LRP1B: variants seen among roughly 807,000 people sequenced by gnomAD.
LRP1B encodes low-density lipoprotein receptor-related protein 1B.
A neutral mutation model predicts 556.6 loss-of-function variants in LRP1B; 217 were observed. The observed-to-expected ratio is 0.39, with a 90% CI of 0.35 to 0.44. The LOEUF (loss-of-function observed/expected upper bound fraction) is 0.44. LRP1B is among the 20% of genes least tolerant of loss of function. The probability of loss-of-function intolerance (pLI) is 1.00; values close to 1 mark genes in which losing one functional copy is unlikely to be tolerated. For synonymous variants in LRP1B, 2,047 were observed against 1,865.8 expected (o/e 1.10, Z -2.50); for missense variants, 5,053 against 5,620.8 (o/e 0.90, Z 3.23).
At chr2:141,944,277 C>T (rs1700894618) in intron 1 of LRP1B, among the ~76,000 whole-genome samples, 1 of 152,084 alleles carries the variant, frequency 6.6e-6, no homozygotes, top group Non-Finnish European at 1.5e-5. Context: ...TATTGTTATT[C>T]AATACTGGAC....
chr2:141,102,066 G>A (rs1700475074), intron 7 of LRP1B, among the ~76,000 whole-genome samples: 3 of 152,078 alleles, frequency 2.0e-5, no homozygotes, highest in African/African-American at 7.2e-5. Flanking sequence ...AATGTATATA[G>A]AAATCAAAGC....
intron 1 of LRP1B, among the ~76,000 whole-genome samples, chr2:141,862,799 T>C (rs1374512215): frequency 6.6e-6 from 1 of 152,184 alleles, no homozygotes; most frequent in Non-Finnish European, 1.5e-5. Flanking sequence ...AATTTTGAGA[T>C]TATAAAAGAA....
At position 140,915,884 on chromosome 2, in the gene LRP1B, C is replaced by T. The variant is rs1320778014; in HGVS notation, c.3319+7081G>A. Among the ~76,000 whole-genome samples, 7 of 151,538 alleles carry T rather than the reference C, an allele frequency of 4.6e-5. No homozygotes were observed. The South Asian group carries it at 1.3e-3, about 27-fold the overall frequency. ...TCTACTGAAAATACAAAAAATTAGC[C>T]GGGTGAGGGGGCAGGCGCCTGTACT... On this transcript the variant is annotated intron_variant, in intron 21 of 90. Transcript: ENST00000389484.
At position 140,702,178 on chromosome 2, in the gene LRP1B, C is replaced by T; in HGVS notation, c.6265G>A (p.Val2089Ile). 1 of 1,613,616 alleles carries T rather than the reference C, an allele frequency of 6.2e-7. No individual in the cohort carries two copies. The highest frequency in any genetic ancestry group is 8.5e-7 in the Non-Finnish European group (1 of 1,179,744). ...TAGATGTAAGCCCCAAAGACTGCAA[C>T]TGAAAACATATCCACATTGCTTCCT... is the stretch of plus-strand genomic sequence containing the variant. Reference protein sequence around the residue: ...LSGSNVDMFSVAVFGAYIYWS... With the variant: ...LSGSNVDMFSIAVFGAYIYWS... The change falls in exon 39 of 91, where the codon GTT becomes ATT. Residue 2089 changes from valine to isoleucine, a missense_variant. Val to Ile is a conservative substitution (Grantham distance 29). Transcript: ENST00000389484.
chr2:140,827,497 C>A (rs1285400238), intron 31 of LRP1B, among the ~76,000 whole-genome samples: 1 of 151,400 alleles, frequency 6.6e-6, no homozygotes, highest in Non-Finnish European at 1.5e-5. Context: ...GTACTAGAGG[C>A]AACAGCAGAA....
At chr2:141,017,473 A>G (rs1697937401) in intron 12 of LRP1B, among the ~76,000 whole-genome samples, 1 of 151,636 alleles carries the variant, frequency 6.6e-6, no homozygotes. Context: ...ACAGAAACAC[A>G]CACACGCACA....
intron 2 of LRP1B, among the ~76,000 whole-genome samples, chr2:141,517,999 A>G (rs955034915): frequency 1.3e-5 from 2 of 152,206 alleles, no homozygotes; most frequent in Non-Finnish European, 2.9e-5. Context: ...AAATGAGGAG[A>G]TAAGCTAAAG....
intron 43 of LRP1B, among the ~76,000 whole-genome samples, chr2:140,555,789 A>G (rs1167032897): frequency 2.0e-5 from 3 of 152,086 alleles, no homozygotes; most frequent in Admixed American, 2.0e-4. Context: ...TAGAGGTAAA[A>G]CTAATGTCTA....
intron 37 of LRP1B, among the ~76,000 whole-genome samples, chr2:140,708,458 C>T (rs1425794929): frequency 6.6e-6 from 1 of 151,428 alleles, no homozygotes; most frequent in Non-Finnish European, 1.5e-5. Context: ...GAAGAGCACA[C>T]ACTGGAGAAG....
chr2:141,216,835 T>C (rs1682835846), intron 6 of LRP1B, among the ~76,000 whole-genome samples: 1 of 152,232 alleles, frequency 6.6e-6, no homozygotes, highest in African/African-American at 2.4e-5. Flanking sequence ...GAATGTTTAC[T>C]CATCCTGATT....
At chr2:140,926,555 C>T (rs1304755040) in intron 20 of LRP1B, among the ~76,000 whole-genome samples, 1 of 152,034 alleles carries the variant, frequency 6.6e-6, no homozygotes, top group Non-Finnish European at 1.5e-5. Flanking sequence ...GTTGCCTAGA[C>T]TGGTCTTGAA....
intron 2 of LRP1B, among the ~76,000 whole-genome samples, chr2:141,644,509 C>T (rs893996055): frequency 2.6e-5 from 4 of 152,032 alleles, no homozygotes; most frequent in African/African-American, 7.2e-5. Context: ...CGGACTGATA[C>T]AATCAGCAAT....
chr2:141,179,523 C>T (rs1298712641), intron 7 of LRP1B, among the ~76,000 whole-genome samples: 1 of 151,990 alleles, frequency 6.6e-6, no homozygotes, highest in Non-Finnish European at 1.5e-5. Context: ...TTTTAACATT[C>T]CACTGGGGTA....
chr2:141,101,630 T>A (rs190502523), intron 7 of LRP1B, among the ~76,000 whole-genome samples: 1 of 152,250 alleles, frequency 6.6e-6, no homozygotes, highest in East Asian at 1.9e-4. Flanking sequence ...ATGAGTGAAA[T>A]ATGAGTGCAC....
intron 32 of LRP1B, among the ~76,000 whole-genome samples, chr2:140,809,705 T>C (rs889554987): frequency 6.6e-5 from 10 of 152,188 alleles, no homozygotes; most frequent in African/African-American, 2.4e-4. Flanking sequence ...TCACATGGTT[T>C]CTGTGGGTCT....
chr2:141,986,287 T>G (rs970017982), intron 1 of LRP1B, among the ~76,000 whole-genome samples: 2 of 151,956 alleles, frequency 1.3e-5, no homozygotes, highest in African/African-American at 2.4e-5. Context: ...AATAAAAACT[T>G]TAAAAAAGTA....
rs540232760 is a variant in LRP1B at position 140,353,856 on chromosome 2, CAT to C, written c.11531-786_11531-785del. On this transcript the variant is annotated intron_variant, in intron 75 of 90. Transcript: ENST00000389484. Reference sequence around the variant, plus strand: ...CACATCTCTAACACACTTCTGGACTCATATATATGAAGTGACTACGTAACAAG... The same window carrying C: ...CACATCTCTAACACACTTCTGGACTCATATATGAAGTGACTACGTAACAAG... 2.9e-4 allele frequency among the ~76,000 whole-genome samples: 44 copies of C among 152,090 alleles called. No homozygotes were observed. The East Asian group carries it at 8.4e-3, about 29-fold the overall frequency.
chr2:140,789,618 C>CTTTT lies in LRP1B; in HGVS notation c.5360-13384_5360-13381dup, dbSNP rs756120273. ...GCCAAGCACGATCTAGCTTTAAGGACTTTTTTTTTTTTTTTTTTTTTTTTT... is the reference window on the plus strand; with the variant it reads ...GCCAAGCACGATCTAGCTTTAAGGACTTTTTTTTTTTTTTTTTTTTTTTTTTTTT... On this transcript the variant is annotated intron_variant, in intron 32 of 90. Coordinates refer to ENST00000389484, the MANE Select transcript of LRP1B (RefSeq NM_018557.3). Among the ~76,000 whole-genome samples the CTTTT allele has an allele frequency of 6.8e-4, 49 of 71,766 alleles. 6 individuals are homozygous for CTTTT. Among genetic ancestry groups the CTTTT allele is most frequent in the Non-Finnish European group, 9.2e-4 (35 of 38,140 alleles). 47.1% of individuals were successfully genotyped at this position (71,766 alleles called of 152,430 possible).
chr2:140,364,585 C>G (rs1314340253), intron 72 of LRP1B, 76 bp downstream of exon 72: 1 of 1,541,552 alleles, frequency 6.5e-7, no homozygotes, highest in African/African-American at 1.4e-5. Flanking sequence ...AGTTCACCTC[C>G]CCACTTCATT....
Sources: gnomAD v4.1 joint callset for allele counts (sites outside exome capture counted in the v4.1 genomes callset) on GRCh38, gnomAD v4.1.1 for gene constraint, MANE v1.5 for transcripts, NCBI Gene and HGNC (gene_info 2026-07-23, HGNC 2026-07-21) for gene names.